The following SGMS1 variants were observed in gnomAD, a reference collection of about 807,000 sequenced individuals.
SGMS1 encodes phosphatidylcholine:ceramide cholinephosphotransferase 1.
Under a neutral mutation model 46.2 loss-of-function variants are expected in SGMS1, and 13 were observed. The observed-to-expected ratio is 0.28, with a 90% CI of 0.18 to 0.45. The LOEUF (loss-of-function observed/expected upper bound fraction) is 0.45, where lower values mean the gene tolerates loss of function less well. Among genes scored for constraint, SGMS1 ranks in the 20% least tolerant of loss-of-function variants. The pLI is 1.00. For synonymous variants in SGMS1, 203 were observed against 187.8 expected, an observed-to-expected ratio of 1.08 and a Z score of -0.66; for missense variants, 324 against 519.9, an observed-to-expected ratio of 0.62 and a Z score of 3.66.
intron 6 of SGMS1, among the ~76,000 whole-genome samples, chr10:50,349,456 T>A (rs1021640090): frequency 3.3e-5 from 5 of 152,186 alleles, no homozygotes; most frequent in African/African-American, 1.2e-4. Flanking sequence ...TCCAGCTACT[T>A]CCCTTCTCGA....
At chr10:50,547,748 C>T (rs914171713) in intron 2 of SGMS1, among the ~76,000 whole-genome samples, 8 of 151,994 alleles carry the variant, frequency 5.3e-5, no homozygotes, top group African/African-American at 1.4e-4. Context: ...AAAAAAGAAA[C>T]CTTCAGGCCA....
chr10:50,313,584 T>C (rs1847292588), intron 8 of SGMS1, among the ~76,000 whole-genome samples: 1 of 152,250 alleles, frequency 6.6e-6, no homozygotes, highest in South Asian at 2.1e-4. Flanking sequence ...ATTAAAAGTT[T>C]GGTCCAGTTC....
At chr10:50,365,529 T>G (rs1848325589) in intron 6 of SGMS1, among the ~76,000 whole-genome samples, 1 of 152,076 alleles carries the variant, frequency 6.6e-6, no homozygotes, top group African/African-American at 2.4e-5. Flanking sequence ...ACCCATCATC[T>G]AGGTTTTAAG....
intron 6 of SGMS1, among the ~76,000 whole-genome samples, chr10:50,429,578 A>G (rs1205807233): frequency 6.6e-6 from 1 of 152,108 alleles, no homozygotes; most frequent in African/African-American, 2.4e-5. Flanking sequence ...TCTTTTCCAA[A>G]TTGTCCTTAA....
intron 5 of SGMS1, among the ~76,000 whole-genome samples, chr10:50,454,569 G>T (rs1056066435): frequency 3.9e-5 from 6 of 152,134 alleles, no homozygotes; most frequent in Admixed American, 2.6e-4. Flanking sequence ...AAGGTAATCA[G>T]TCCAACTTCT....
At chr10:50,516,906 ACTGTTC>A (rs1477187059) in intron 3 of SGMS1, among the ~76,000 whole-genome samples, 2 of 152,310 alleles carry the variant, frequency 1.3e-5, no homozygotes, top group East Asian at 3.9e-4. Context: ...GGGAACATCT[ACTGTTC>A]CTGAGCAAAG....
At chr10:50,530,950 A>T (rs1837948103) in intron 2 of SGMS1, among the ~76,000 whole-genome samples, 1 of 152,220 alleles carries the variant, frequency 6.6e-6, no homozygotes, top group African/African-American at 2.4e-5. Context: ...CAAGTTAAAA[A>T]GTACTAGATA....
chr10:50,492,465 C>A (rs1467576896), intron 3 of SGMS1, among the ~76,000 whole-genome samples: 2 of 152,170 alleles, frequency 1.3e-5, no homozygotes, highest in South Asian at 2.1e-4. Flanking sequence ...TCTCAAAATA[C>A]AAAATCAATG....
At chr10:50,439,393 C>G (rs1349369953) in intron 5 of SGMS1, among the ~76,000 whole-genome samples, 3 of 152,160 alleles carry the variant, frequency 2.0e-5, no homozygotes, top group African/African-American at 7.2e-5. Context: ...CTGAGAAATG[C>G]TCATTAGTCT....
chr10:50,437,155 T>C (rs1033148269), intron 5 of SGMS1, among the ~76,000 whole-genome samples: 3 of 152,212 alleles, frequency 2.0e-5, no homozygotes, highest in Admixed American at 6.5e-5. Context: ...ATCCTCATAC[T>C]TTGGGGGCAA....
chr10:50,393,847 C>T (rs747284223), intron 6 of SGMS1, among the ~76,000 whole-genome samples: 33 of 152,310 alleles, frequency 2.2e-4, no homozygotes, highest in Non-Finnish European at 4.1e-4. Context: ...AAAGATTTTG[C>T]AGATGAGCTG....
intron 3 of SGMS1, among the ~76,000 whole-genome samples, chr10:50,504,677 C>A (rs61152656): frequency 6.6e-6 from 1 of 151,986 alleles, no homozygotes; most frequent in African/African-American, 2.4e-5. Context: ...ACACAGCCTC[C>A]TATACAAACA....
At chr10:50,589,427 A>G (rs967188201) in intron 2 of SGMS1, among the ~76,000 whole-genome samples, 2 of 151,690 alleles carry the variant, frequency 1.3e-5, no homozygotes, top group Admixed American at 6.6e-5. Flanking sequence ...ATGACTGGCT[A>G]AATTTTTAAT....
intron 2 of SGMS1, among the ~76,000 whole-genome samples, chr10:50,521,359 C>A (rs1489152509): frequency 6.6e-6 from 1 of 152,100 alleles, no homozygotes; most frequent in African/African-American, 2.4e-5. Flanking sequence ...CAATACAACA[C>A]AGCATTTTAC....
chr10:50,501,397 T>C (rs929110635), intron 3 of SGMS1, among the ~76,000 whole-genome samples: 10 of 152,238 alleles, frequency 6.6e-5, no homozygotes, highest in Admixed American at 6.5e-5. Context: ...CTACATTTTA[T>C]ATAAAACTTT....
At chr10:50,562,561 T>C (rs1405978655) in intron 2 of SGMS1, among the ~76,000 whole-genome samples, 1 of 152,198 alleles carries the variant, frequency 6.6e-6, no homozygotes, top group Non-Finnish European at 1.5e-5. Flanking sequence ...ACTCTTTTTT[T>C]GAGACGGAGT....
intron 2 of SGMS1, among the ~76,000 whole-genome samples, chr10:50,574,276 T>A (rs535437022): frequency 1.2e-4 from 19 of 152,204 alleles, no homozygotes; most frequent in African/African-American, 4.3e-4. Context: ...CTATTACATA[T>A]AAAGAACTCC....
chr10:50,535,590 G>A (rs772428508), intron 2 of SGMS1, among the ~76,000 whole-genome samples: 3 of 152,074 alleles, frequency 2.0e-5, no homozygotes, highest in South Asian at 2.1e-4. Context: ...GGATGGTCTC[G>A]ATCTCTTGAC....
chr10:50,612,884 T>C (rs1838763739), intron 1 of SGMS1, among the ~76,000 whole-genome samples: 1 of 152,236 alleles, frequency 6.6e-6, no homozygotes, highest in Non-Finnish European at 1.5e-5. Flanking sequence ...AATTCTTGTA[T>C]TTTTAGTAGA....
Sources: allele counts gnomAD v4.1 joint callset (sites outside exome capture counted in the v4.1 genomes callset), GRCh38; gene constraint gnomAD v4.1.1; transcripts MANE v1.5; gene names NCBI Gene and HGNC (gene_info 2026-07-23, HGNC 2026-07-21).